The following TMEM132C variants were observed in gnomAD, a reference collection of about 807,000 sequenced individuals.
The protein encoded by TMEM132C is transmembrane protein 132C.
Under a neutral mutation model 61.4 loss-of-function variants are expected in TMEM132C, and 29 were observed. The ratio of observed to expected loss-of-function variants is 0.47; its 90% confidence interval spans 0.35 to 0.64. The LOEUF (loss-of-function observed/expected upper bound fraction) is 0.64. Ranked by LOEUF, TMEM132C falls within the 30% of genes least tolerant of loss-of-function variation. The pLI, the probability that TMEM132C is intolerant of heterozygous loss-of-function variation, is 0.00. For synonymous variants in TMEM132C, 656 were observed against 633.1 expected (o/e 1.04, Z -0.54); for missense variants, 1,408 against 1,476.9 (o/e 0.95, Z 0.76).
intron 2 of TMEM132C, among the ~76,000 whole-genome samples, chr12:128,508,206 C>T (rs1479078978): frequency 6.6e-6 from 1 of 152,276 alleles, no homozygotes; most frequent in South Asian, 2.1e-4. Flanking sequence ...GAGGCGAAAG[C>T]GGAAAACCCC....
chr12:128,299,542 T>C (rs1341259237), intron 1 of TMEM132C, among the ~76,000 whole-genome samples: 2 of 152,178 alleles, frequency 1.3e-5, no homozygotes, highest in African/African-American at 4.8e-5. Flanking sequence ...AGCGAGACAG[T>C]AACACACAGA....
intron 2 of TMEM132C, among the ~76,000 whole-genome samples, chr12:128,525,328 CTCTCTCTCTCTCTCTT>C (rs1295539169): frequency 1.4e-3 from 204 of 148,388 alleles, no homozygotes; most frequent in South Asian, 1.5e-3. Context: ...TTCTCTCTCT[CTCTCTCTCTCTCTCTT>C]TCTCTCTCTC....
rs56407388 is a variant in TMEM132C at position 128,486,876 on chromosome 12, AACACACACACACACACAC to A, written c.975-57053_975-57036del. 2.7e-4 allele frequency among the ~76,000 whole-genome samples: 35 copies of A among 131,218 alleles called. No homozygotes were observed. The South Asian group carries it at 4.0e-3, about 15-fold the overall frequency. The allele number at this position is 131,218 out of a possible 152,430, so 86.1% of individuals were successfully genotyped here. A position where few individuals can be genotyped will look rare whatever the true frequency, so the allele number is the denominator to read the frequency against. ...ATGCTTGTAAACATGTGTGCATGCA[AACACACACACACACACAC>A]ACACACACACACACACACACACACA... On this transcript the variant is annotated intron_variant, in intron 2 of 8. Transcript: ENST00000435159.
At chr12:128,674,577 A>G (rs965369500) in intron 5 of TMEM132C, among the ~76,000 whole-genome samples, 7 of 152,202 alleles carry the variant, frequency 4.6e-5, no homozygotes, top group Non-Finnish European at 1.0e-4. Flanking sequence ...CTCACGAGTC[A>G]TATCTGAGGG....
chr12:128,533,031 A>G (rs1021608234), intron 2 of TMEM132C, among the ~76,000 whole-genome samples: 2 of 152,104 alleles, frequency 1.3e-5, no homozygotes, highest in African/African-American at 4.8e-5. Flanking sequence ...GTGGGTTTGG[A>G]TATAAGTGTG....
intron 4 of TMEM132C, among the ~76,000 whole-genome samples, chr12:128,653,710 G>A (rs1280700082): frequency 6.6e-6 from 1 of 151,032 alleles, no homozygotes; most frequent in African/African-American, 2.5e-5. Context: ...AGATAAATCA[G>A]TGCATGCAGA....
At chr12:128,283,653 C>G (rs905874964) in intron 1 of TMEM132C, among the ~76,000 whole-genome samples, 1 of 152,192 alleles carries the variant, frequency 6.6e-6, no homozygotes, top group African/African-American at 2.4e-5. Context: ...ATTATCTAAT[C>G]TATTTATCTG....
chr12:128,351,032 A>T (rs1336151584), intron 1 of TMEM132C, among the ~76,000 whole-genome samples: 1 of 152,170 alleles, frequency 6.6e-6, no homozygotes, highest in Non-Finnish European at 1.5e-5. Flanking sequence ...CTTACTCCAT[A>T]AAATGCCCCA....
intron 1 of TMEM132C, among the ~76,000 whole-genome samples, chr12:128,293,908 A>G (rs1244391485): frequency 6.6e-6 from 1 of 152,224 alleles, no homozygotes; most frequent in East Asian, 1.9e-4. Context: ...ATGTGATCAG[A>G]GTAATTATTA....
At chr12:128,460,515 T>A (rs1870496821) in intron 2 of TMEM132C, among the ~76,000 whole-genome samples, 1 of 152,164 alleles carries the variant, frequency 6.6e-6, no homozygotes, top group African/African-American at 2.4e-5. Flanking sequence ...CTGGCTTTAG[T>A]ATCGTTCTCA....
intron 1 of TMEM132C, among the ~76,000 whole-genome samples, chr12:128,303,823 A>G (rs1022560942): frequency 6.6e-6 from 1 of 152,128 alleles, no homozygotes; most frequent in Non-Finnish European, 1.5e-5. Flanking sequence ...TGTGGAAGTC[A>G]TTTCTGAGCT....
intron 1 of TMEM132C, among the ~76,000 whole-genome samples, chr12:128,394,117 A>G (rs1250038604): frequency 2.0e-5 from 3 of 152,202 alleles, no homozygotes; most frequent in East Asian, 3.9e-4. Context: ...CGTGTCTTAC[A>G]TGGCGGCAGA....
Position 128,469,436 on chromosome 12 carries a change from C to T in TMEM132C, c.974+53816C>T, listed in dbSNP as rs192782838. The stretch of plus-strand genomic sequence containing the variant: ...GTTCAGGTGATCCTCCCACCTCAGC[C>T]TCCCAAGTAGCTGGGACTACAGGCA... On this transcript the variant is annotated intron_variant, in intron 2 of 8. Transcript: ENST00000435159. Among the ~76,000 whole-genome samples the T allele has an allele frequency of 6.5e-3, 982 of 151,786 alleles. 9 individuals are homozygous for T. The highest frequency in any genetic ancestry group is 0.038 in the South Asian group (182 of 4,802).
At chr12:128,416,546 C>G (rs1281177898) in intron 2 of TMEM132C, among the ~76,000 whole-genome samples, 3 of 152,304 alleles carry the variant, frequency 2.0e-5, no homozygotes, top group South Asian at 2.1e-4. Context: ...CAGCCCTAAT[C>G]ACATTTTGAA....
chr12:128,359,441 C>T (rs1873626420), intron 1 of TMEM132C, among the ~76,000 whole-genome samples: 1 of 152,196 alleles, frequency 6.6e-6, no homozygotes, highest in Non-Finnish European at 1.5e-5. Flanking sequence ...CTCCACCTGG[C>T]CCCACCCTTG....
chr12:128,317,074 A>G (rs746973735), intron 1 of TMEM132C, among the ~76,000 whole-genome samples: 3 of 152,220 alleles, frequency 2.0e-5, no homozygotes, highest in Non-Finnish European at 4.4e-5. Context: ...TGTTTCAGGC[A>G]TGTGTTTAAT....
chr12:128,609,261 A>ACTCT (rs538857196), intron 3 of TMEM132C, among the ~76,000 whole-genome samples: 1 of 41,732 alleles, frequency 2.4e-5, no homozygotes, highest in Non-Finnish European at 4.6e-5. Context: ...CCTCCCTGCA[A>ACTCT]GTTACCCCCA....
chr12:128,706,316 C>G lies in TMEM132C; in HGVS notation c.*21C>G. The G allele has an allele frequency of 6.7e-7, 1 of 1,491,670 alleles. No homozygotes were observed. The highest frequency in any genetic ancestry group is 8.9e-7 in the Non-Finnish European group (1 of 1,120,098). 92.4% of individuals were successfully genotyped at this position (1,491,670 alleles called of 1,614,324 possible). ...CTTAGGCCCCTCTAGCCAAAGGGCC[C>G]TGCCCAGATGCCTTCCTTGTACTGG... On this transcript the variant is annotated 3_prime_UTR_variant, in exon 9 of 9. Coordinates refer to ENST00000435159, the MANE Select transcript of TMEM132C (RefSeq NM_001136103.3).
chr12:128,331,545 A>T (rs1039105817), intron 1 of TMEM132C, among the ~76,000 whole-genome samples: 24 of 152,132 alleles, frequency 1.6e-4, no homozygotes, highest in African/African-American at 5.3e-4. Context: ...GGCTTGTTTC[A>T]CTTAGGATAA....
Sources: gnomAD v4.1 joint callset for allele counts (sites outside exome capture counted in the v4.1 genomes callset) on GRCh38, gnomAD v4.1.1 for gene constraint, MANE v1.5 for transcripts, NCBI Gene and HGNC (gene_info 2026-07-23, HGNC 2026-07-21) for gene names.